The following NEMF variants were observed in gnomAD, a reference collection of about 807,000 sequenced individuals.
The protein encoded by NEMF is ribosome quality control complex subunit NEMF.
In NEMF, 89 loss-of-function variants were observed where a neutral mutation model predicts 162.2. That is an observed-to-expected ratio of 0.55 (90% CI 0.46 to 0.65). The LOEUF (loss-of-function observed/expected upper bound fraction) is 0.65, where lower values mean the gene tolerates loss of function less well. Among genes scored for constraint, NEMF ranks in the 30% least tolerant of loss-of-function variants. The probability of loss-of-function intolerance (pLI) is 0.00; values close to 1 mark genes in which losing one functional copy is unlikely to be tolerated. For missense variants in NEMF, 1,133 were observed against 1,261.9 expected, an observed-to-expected ratio of 0.90 and a Z score of 1.55; for synonymous variants, 421 against 404.5, an observed-to-expected ratio of 1.04 and a Z score of -0.49.
intron 25 of NEMF, among the ~76,000 whole-genome samples, chr14:49,797,620 A>T (rs988465152): frequency 2.0e-5 from 3 of 152,210 alleles, no homozygotes; most frequent in African/African-American, 7.2e-5. Context: ...TGGGCCACAG[A>T]GCGAGACTCC....
At chr14:49,822,329 T>C (rs1275585119) in intron 16 of NEMF, among the ~76,000 whole-genome samples, 2 of 150,002 alleles carry the variant, frequency 1.3e-5, no homozygotes, top group Admixed American at 6.6e-5. Context: ...ATGATGCACA[T>C]TTTAATAAAA....
In NEMF at chr14:49,785,012, T is replaced by C; in HGVS notation, c.3074-8A>G. Reference sequence around the variant, plus strand: ...TCAAGGCTGTTTTTGCAGCTGTAAATACAAAAAAGAGTAAGAATAATCTAC... The same window carrying C: ...TCAAGGCTGTTTTTGCAGCTGTAAACACAAAAAAGAGTAAGAATAATCTAC... On this transcript the variant is annotated splice_region_variant and splice_polypyrimidine_tract_variant and intron_variant, in intron 31 of 32. Coordinates refer to ENST00000298310, the MANE Select transcript of NEMF (RefSeq NM_004713.6). 6.2e-7 allele frequency: 1 copy of C among 1,612,356 alleles called. No homozygotes were observed. The highest frequency in any genetic ancestry group is 8.5e-7 in the Non-Finnish European group (1 of 1,178,714).
intron 17 of NEMF, 39 bp downstream of exon 17, chr14:49,814,715 A>G: frequency 8.8e-7 from 1 of 1,134,740 alleles, no homozygotes; most frequent in Non-Finnish European, 1.3e-6. Flanking sequence ...TGATCCAAAC[A>G]TTCAAGAGAA....
chr14:49,800,955 CA>C, intron 22 of NEMF: 1 of 384,664 alleles, frequency 2.6e-6, no homozygotes, highest in East Asian at 4.3e-5. Flanking sequence ...ATGAAAACCA[CA>C]ACTCTGCCTT....
chr14:49,813,948 AG>A, intron 18 of NEMF, 39 bp downstream of exon 18: 1 of 1,187,066 alleles, frequency 8.4e-7, no homozygotes. Flanking sequence ...AATATTTTAA[AG>A]AAAGGAACAG....
At chr14:49,828,377 A>C in intron 14 of NEMF, 23 bp from the exon 15 acceptor site, 1 of 1,412,772 alleles carries the variant, frequency 7.1e-7, no homozygotes, top group Non-Finnish European at 9.8e-7. Flanking sequence ...ATTTCTCTTA[A>C]ATTTTAAGTA....
intron 18 of NEMF, 90 bp downstream of exon 18, chr14:49,813,898 C>G: frequency 1.3e-6 from 1 of 763,324 alleles, no homozygotes; most frequent in Admixed American, 2.1e-5. Flanking sequence ...GCCACCACAT[C>G]TGGCCCTCTA....
intron 26 of NEMF, among the ~76,000 whole-genome samples, chr14:49,793,358 C>T (rs1485852327): frequency 1.3e-5 from 2 of 152,104 alleles, no homozygotes; most frequent in East Asian, 1.9e-4. Context: ...TTCCCATGTA[C>T]CAGCAAGTAA....
chr14:49,811,104 C>G (rs1481828280), intron 18 of NEMF, among the ~76,000 whole-genome samples: 1 of 152,128 alleles, frequency 6.6e-6, no homozygotes, highest in Non-Finnish European at 1.5e-5. Flanking sequence ...CATGGGATGT[C>G]CAATTTAGGT....
chr14:49,852,642 G>C (rs1893838531), intron 1 of NEMF, 53 bp downstream of exon 1: 2 of 1,589,658 alleles, frequency 1.3e-6, no homozygotes, highest in African/African-American at 1.3e-5. Context: ...ATGGGACTCC[G>C]GCCTCTGCCT....
rs201796350 is a variant in NEMF, at chr14:49,840,742, G to C, written c.482C>G (p.Ala161Gly). 1.2e-6 allele frequency: 2 copies of C among 1,612,392 alleles called. No homozygotes were observed. Among genetic ancestry groups the C allele is most frequent in the African/African-American group, 2.7e-5 (2 of 74,876 alleles). Reference sequence around the variant, plus strand: ...CCTTTCCAAAGTAAGCAAAGGTTCAGCAGCTCTAGCATGATCAAGTGGATA... The same window carrying C: ...CCTTTCCAAAGTAAGCAAAGGTTCACCAGCTCTAGCATGATCAAGTGGATA... Reference protein sequence around the residue: ...ERYPLDHARAAEPLLTLERLT... With the variant: ...ERYPLDHARAGEPLLTLERLT... Residue 161 changes from alanine (A) to glycine (G), a missense_variant, in exon 5 of 33, where the codon GCT becomes GGT. This residue lies in a region of NEMF where 582 missense variants were observed against 631.5 expected (regional missense o/e 0.92). Coordinates refer to ENST00000298310, the MANE Select transcript of NEMF (RefSeq NM_004713.6).
At chr14:49,828,910 TTTCA>T (rs1350283532) in intron 13 of NEMF, 103 bp from the exon 14 acceptor site, 10 of 1,274,334 alleles carry the variant, frequency 7.8e-6, no homozygotes, top group African/African-American at 6.1e-5. Context: ...GTACTGGAAG[TTTCA>T]TTATTTATTT....
At chr14:49,813,281 T>G (rs969616940) in intron 18 of NEMF, among the ~76,000 whole-genome samples, 2 of 152,188 alleles carry the variant, frequency 1.3e-5, no homozygotes, top group Non-Finnish European at 2.9e-5. Flanking sequence ...ATTTTTGGAT[T>G]TGGGATGCTC....
At chr14:49,836,003 G>A (rs912716672) in intron 6 of NEMF, among the ~76,000 whole-genome samples, 2 of 152,134 alleles carry the variant, frequency 1.3e-5, no homozygotes, top group East Asian at 1.9e-4. Context: ...TAGTTAAAAC[G>A]GCAATTCTCC....
chr14:49,822,810 G>A (rs555439453), intron 16 of NEMF, among the ~76,000 whole-genome samples: 1 of 152,134 alleles, frequency 6.6e-6, no homozygotes, highest in East Asian at 1.9e-4. Context: ...GTGAAGAAAG[G>A]GAGTATGTCT....
chr14:49,825,762 T>A, intron 16 of NEMF, 105 bp downstream of exon 16: 1 of 723,876 alleles, frequency 1.4e-6, no homozygotes, highest in Non-Finnish European at 2.3e-6. Flanking sequence ...GCAGAGCTAC[T>A]GGTTTTGTAA....
intron 16 of NEMF, chr14:49,818,457 G>A (rs1891832613): frequency 6.6e-6 from 1 of 152,172 alleles, no homozygotes; most frequent in South Asian, 2.1e-4. Context: ...AATTTGCAAT[G>A]TAAAACTCAT....
chr14:49,787,670 T>G (rs1427070589), intron 28 of NEMF, among the ~76,000 whole-genome samples: 13 of 152,124 alleles, frequency 8.5e-5, no homozygotes, highest in African/African-American at 2.7e-4. Context: ...ATATGAATTG[T>G]GGGGGGATAT....
rs1893477410 is a variant in NEMF at position 49,845,926 on chromosome 14, T to C, written c.357+214A>G. On this transcript the variant is annotated intron_variant, in intron 4 of 32. Transcript: ENST00000298310. ...TTCATCTCCTACATTCATAAGGCTA[T>C]TCTAAATGGCTAAAGTCTGCCTAAA... The C allele has an allele frequency of 5.4e-6, 3 of 555,346 alleles. No homozygotes were observed. The East Asian group carries it at 8.6e-5, about 16-fold the overall frequency. The allele number at this position is 555,346 out of a possible 1,614,324, so 34.4% of individuals were successfully genotyped here.
Sources: gnomAD v4.1 joint callset for allele counts (sites outside exome capture counted in the v4.1 genomes callset) on GRCh38, gnomAD v4.1.1 for gene constraint, gnomAD v4.1.1 regional missense constraint, MANE v1.5 for transcripts, NCBI Gene and HGNC (gene_info 2026-07-23, HGNC 2026-07-21) for gene names.